Variants in PEBP4 observed in about 807,000 individuals in gnomAD.
PEBP4 encodes phosphatidylethanolamine-binding protein 4.
In PEBP4, 22 loss-of-function variants were observed where a neutral mutation model predicts 23.9. The observed-to-expected ratio is 0.92, with a 90% CI of 0.66 to 1.31. PEBP4 has a LOEUF of 1.31. Ranked by LOEUF, PEBP4 falls within the 40% of genes most tolerant of loss-of-function variation. The pLI is 0.00. For missense variants in PEBP4, 324 were observed against 281.7 expected (o/e 1.15, Z -1.07); for synonymous variants, 112 against 99.3 (o/e 1.13, Z -0.76).
At position 22,865,767 on chromosome 8, in the gene PEBP4, G is replaced by A. The variant is rs1482688767; in HGVS notation, c.259-48032C>T. Among the ~76,000 whole-genome samples, 2 of 152,178 alleles carry A rather than the reference G, an allele frequency of 1.3e-5. No homozygotes were observed. The highest frequency in any genetic ancestry group is 6.5e-5 in the Admixed American group (1 of 15,292). On this transcript the variant is annotated intron_variant, in intron 3 of 6. Transcript: ENST00000256404. This position sits in a 1 kb window ranked among gnomAD's most constrained non-coding sequence, Gnocchi z 6.9. ...GGTGGGCGGAAGATGGGCCACGCGG[G>A]AAGGAGATCGGCGGCCACTCCCGGG...
At chr8:22,920,090 T>A in intron 3 of PEBP4, 94 bp downstream of exon 3, 2 of 1,505,974 alleles carry the variant, frequency 1.3e-6, no homozygotes, top group South Asian at 2.5e-5. Context: ...CAGATGGCTC[T>A]GCACGCAGCT....
chr8:22,887,790 G>A (rs1312826257), intron 3 of PEBP4: 1 of 152,114 alleles, frequency 6.6e-6, no homozygotes, highest in Non-Finnish European at 1.5e-5. Flanking sequence ...GTTTTATGAT[G>A]TTCTCTAGCA....
At chr8:22,764,423 G>A (rs1563208838) in intron 4 of PEBP4, among the ~76,000 whole-genome samples, 1 of 152,104 alleles carries the variant, frequency 6.6e-6, no homozygotes, top group Non-Finnish European at 1.5e-5. Flanking sequence ...ACGCTTCAGG[G>A]TGCACTAAGT....
At position 22,733,833 on chromosome 8, in the gene PEBP4, G is replaced by C. The variant is rs1804791796; in HGVS notation, c.358-6613C>G. Among the ~76,000 whole-genome samples, 3 of 137,118 alleles carry C rather than the reference G, an allele frequency of 2.2e-5. No individual in the cohort carries two copies. The South Asian group carries it at 7.7e-4, about 35-fold the overall frequency. The allele number at this position is 137,118 out of a possible 152,430, so 90.0% of individuals were successfully genotyped here. Reference sequence around the variant, plus strand: ...TGGGGGAATTGGGGAGGGTGGGGATGGGGGAATTGGGGAGGGTGGGGATGG... The same window carrying C: ...TGGGGGAATTGGGGAGGGTGGGGATCGGGGAATTGGGGAGGGTGGGGATGG... On this transcript the variant is annotated intron_variant, in intron 4 of 6. Coordinates refer to ENST00000256404, the MANE Select transcript of PEBP4 (RefSeq NM_144962.3).
intron 3 of PEBP4, among the ~76,000 whole-genome samples, chr8:22,870,450 G>C (rs937360454): frequency 1.3e-5 from 2 of 152,214 alleles, no homozygotes; most frequent in Admixed American, 6.5e-5. Context: ...GGGATGACTA[G>C]GTGGAGCATA....
chr8:22,819,516 A>T (rs1315220864), intron 3 of PEBP4, among the ~76,000 whole-genome samples: 1 of 152,228 alleles, frequency 6.6e-6, no homozygotes, highest in Non-Finnish European at 1.5e-5. Flanking sequence ...AGATGATCAT[A>T]AAAAGGGAAA....
At chr8:22,835,809 G>A (rs556250203) in intron 3 of PEBP4, among the ~76,000 whole-genome samples, 5 of 152,188 alleles carry the variant, frequency 3.3e-5, no homozygotes, top group African/African-American at 1.2e-4. Flanking sequence ...TCCTGCTTGC[G>A]CATGGCAACC....
intron 1 of PEBP4, among the ~76,000 whole-genome samples, chr8:22,938,669 G>A (rs1347030421): frequency 6.6e-6 from 1 of 152,030 alleles, no homozygotes; most frequent in Admixed American, 6.6e-5. Flanking sequence ...AGAGAGGGAG[G>A]GGTGGATATT....
chr8:22,802,731 A>G (rs1055053471), intron 4 of PEBP4, among the ~76,000 whole-genome samples: 1 of 151,584 alleles, frequency 6.6e-6, no homozygotes, highest in African/African-American at 2.4e-5. Flanking sequence ...CGCGCAGGGA[A>G]TCGCGAGGAA....
intron 4 of PEBP4, among the ~76,000 whole-genome samples, chr8:22,741,994 T>C (rs1394926092): frequency 3.9e-5 from 6 of 152,108 alleles, no homozygotes; most frequent in Non-Finnish European, 7.4e-5. Flanking sequence ...TCCCCAGGCC[T>C]CCCTATCTGG....
intron 4 of PEBP4, among the ~76,000 whole-genome samples, chr8:22,739,573 A>G (rs558786052): frequency 1.3e-5 from 2 of 152,206 alleles, no homozygotes; most frequent in South Asian, 2.1e-4. Context: ...CCTAGCATCC[A>G]TCTGGCTTGG....
At chr8:22,897,026 T>A (rs1170309897) in intron 3 of PEBP4, among the ~76,000 whole-genome samples, 5 of 151,266 alleles carry the variant, frequency 3.3e-5, no homozygotes, top group African/African-American at 1.2e-4. Context: ...TATCTGTGTG[T>A]ATGTGTGTGT....
intron 4 of PEBP4, among the ~76,000 whole-genome samples, chr8:22,793,091 A>T (rs1409252732): frequency 1.3e-5 from 2 of 152,204 alleles, no homozygotes; most frequent in Non-Finnish European, 1.5e-5. Context: ...TACTACCCAG[A>T]CTTAACTATT....
intron 4 of PEBP4, among the ~76,000 whole-genome samples, chr8:22,765,358 G>T (rs1805589869): frequency 6.6e-6 from 1 of 152,122 alleles, no homozygotes. Context: ...TGGCCAGGCT[G>T]GTCTCGAACT....
intron 3 of PEBP4, among the ~76,000 whole-genome samples, chr8:22,892,992 G>A (rs958686898): frequency 9.2e-5 from 14 of 152,160 alleles, no homozygotes; most frequent in African/African-American, 2.2e-4. Context: ...GCAGCTGTGC[G>A]GGGAGAGAAC....
At chr8:22,723,398 A>G (rs1184972736) in intron 6 of PEBP4, among the ~76,000 whole-genome samples, 2 of 151,948 alleles carry the variant, frequency 1.3e-5, no homozygotes, top group Non-Finnish European at 2.9e-5. Context: ...TCCTCATGGC[A>G]TCTCCCGATG....
At chr8:22,731,406 A>T (rs1804728685) in intron 4 of PEBP4, among the ~76,000 whole-genome samples, 2 of 152,080 alleles carry the variant, frequency 1.3e-5, no homozygotes, top group Admixed American at 1.3e-4. Context: ...CTTCCTTAGG[A>T]TTTTCTTAAT....
intron 3 of PEBP4, among the ~76,000 whole-genome samples, chr8:22,835,678 C>G (rs188052114): frequency 1.8e-4 from 28 of 152,222 alleles, no homozygotes; most frequent in Non-Finnish European, 3.2e-4. Flanking sequence ...CCCCACTATC[C>G]TGGGAATGCA....
intron 3 of PEBP4, among the ~76,000 whole-genome samples, chr8:22,888,346 G>A (rs547866041): frequency 1.3e-5 from 2 of 152,188 alleles, no homozygotes; most frequent in East Asian, 3.9e-4. Context: ...TAGACATGGG[G>A]TTTCAGCATG....
Sources: allele counts gnomAD v4.1 joint callset (sites outside exome capture counted in the v4.1 genomes callset), GRCh38; gene constraint gnomAD v4.1.1; non-coding constraint Gnocchi (gnomAD v3.1); transcripts MANE v1.5; gene names NCBI Gene and HGNC (gene_info 2026-07-23, HGNC 2026-07-21).